Variants in DNAH11 observed in about 807,000 individuals in gnomAD.
The protein encoded by DNAH11 is dynein axonemal heavy chain 11.
A neutral mutation model predicts 526.0 loss-of-function variants in DNAH11; 442 were observed. That is an observed-to-expected ratio of 0.84 (90% CI 0.78 to 0.91). DNAH11 has a LOEUF of 0.91. Among genes scored for constraint, DNAH11 ranks in the 40% least tolerant of loss-of-function variants. The probability of loss-of-function intolerance (pLI) is 0.00; values close to 1 mark genes in which losing one functional copy is unlikely to be tolerated. For synonymous variants in DNAH11, 2,461 were observed against 1,935.9 expected, an observed-to-expected ratio of 1.27 and a Z score of -7.12; for missense variants, 6,989 against 5,448.7, an observed-to-expected ratio of 1.28 and a Z score of -8.90.
At chr7:21,668,610 T>C (rs1320976154) in intron 30 of DNAH11, among the ~76,000 whole-genome samples, 1 of 152,202 alleles carries the variant, frequency 6.6e-6, no homozygotes, top group East Asian at 1.9e-4. Flanking sequence ...TTCAGACCCC[T>C]CACATTTTTC....
At chr7:21,672,108 G>T (rs1782663609) in intron 30 of DNAH11, among the ~76,000 whole-genome samples, 1 of 152,176 alleles carries the variant, frequency 6.6e-6, no homozygotes, top group Non-Finnish European at 1.5e-5. Flanking sequence ...TGATATTGCT[G>T]AAGGTGAAAC....
At chr7:21,710,807 G>T in intron 41 of DNAH11, 104 bp downstream of exon 41, 1 of 1,094,454 alleles carries the variant, frequency 9.1e-7, no homozygotes, top group Non-Finnish European at 1.3e-6. Flanking sequence ...ATTAACCTGG[G>T]ATTCTTTATG....
chr7:21,705,542 A>C lies in DNAH11; in HGVS notation c.6546+5A>C, dbSNP rs761184068. On this transcript the variant is annotated splice_donor_5th_base_variant and intron_variant, in intron 39 of 81. Transcript: ENST00000409508. ...GCAGGCACAGGAAAGAGTAAGGTAT[A>C]GTAAATTGCCTAATAGCTTACAGCT... is the stretch of plus-strand genomic sequence containing the variant. 9.9e-6 allele frequency: 16 copies of C among 1,612,920 alleles called. No individual in the cohort carries two copies. The highest frequency in any genetic ancestry group is 1.3e-5 in the African/African-American group (1 of 74,900).
intron 25 of DNAH11, among the ~76,000 whole-genome samples, chr7:21,621,752 G>A (rs576721221): frequency 1.3e-5 from 2 of 152,126 alleles, no homozygotes; most frequent in African/African-American, 4.8e-5. Flanking sequence ...TGCAGAAAAG[G>A]CCTTTGACAA....
At position 21,857,386 on chromosome 7, in the gene DNAH11, G is replaced by A. The variant is rs544074236; in HGVS notation, c.11202+2931G>A. ...CTCAATATTGTTAAGATGTCAGTTC[G>A]CTCCAAACTGATTTATAGATTCAAT... On this transcript the variant is annotated intron_variant, in intron 68 of 81. Coordinates refer to ENST00000409508, the MANE Select transcript of DNAH11 (RefSeq NM_001277115.2). Among the ~76,000 whole-genome samples the A allele has an allele frequency of 2.2e-4, 34 of 152,188 alleles. 1 individual carries two copies. The Middle Eastern group carries it at 0.014, about 61-fold the overall frequency.
chr7:21,733,133 T>G (rs1318719420), intron 45 of DNAH11, among the ~76,000 whole-genome samples: 1 of 152,168 alleles, frequency 6.6e-6, no homozygotes, highest in Non-Finnish European at 1.5e-5. Context: ...AAGCCTGTAA[T>G]TGCAGCGCTT....
chr7:21,605,856 C>T (rs763592048), intron 18 of DNAH11, among the ~76,000 whole-genome samples: 1 of 152,142 alleles, frequency 6.6e-6, no homozygotes, highest in Non-Finnish European at 1.5e-5. Context: ...AAAAGATTTC[C>T]ATGGATTCTG....
In DNAH11 at chr7:21,784,427, G is replaced by T. The variant is rs761864384; in HGVS notation, c.9484G>T (p.Val3162Leu). 2 of 1,610,976 alleles carry T rather than the reference G, an allele frequency of 1.2e-6. No individual in the cohort carries two copies. Among genetic ancestry groups the T allele is most frequent in the Non-Finnish European group, 1.7e-6 (2 of 1,178,122 alleles). Residue 3162 changes from valine (V) to leucine (L), a missense_variant and splice_region_variant, in exon 58 of 82, where the codon GTG becomes TTG. Coordinates refer to ENST00000409508, the MANE Select transcript of DNAH11 (RefSeq NM_001277115.2). ...TTGTGTGCTTTTCCTCTTTAATTAG[G>T]TGACAGCCATTCAGACTGAAGTGTT... is the stretch of plus-strand genomic sequence containing the variant. ...KTIADAEERKVTAIQTEVFQK... is the reference protein window; with the variant it reads ...KTIADAEERKLTAIQTEVFQK...
intron 62 of DNAH11, among the ~76,000 whole-genome samples, chr7:21,802,960 T>TAA (rs1215694355): frequency 6.7e-6 from 1 of 149,718 alleles, no homozygotes; most frequent in African/African-American, 2.5e-5. Flanking sequence ...TATATATATA[T>TAA]AATGTAGTAA....
At chr7:21,737,550 G>A (rs146043684) in intron 46 of DNAH11, among the ~76,000 whole-genome samples, 198 of 152,324 alleles carry the variant, frequency 1.3e-3, no homozygotes, top group African/African-American at 4.5e-3. Flanking sequence ...ATCTGAGTTG[G>A]GGAGATCAGT....
At chr7:21,879,275 A>G (rs1159551563) in intron 74 of DNAH11, among the ~76,000 whole-genome samples, 2 of 152,004 alleles carry the variant, frequency 1.3e-5, no homozygotes, top group Non-Finnish European at 2.9e-5. Flanking sequence ...AATCTGGTGA[A>G]TCCCCATCTC....
chr7:21,631,369 A>G (rs1179374352), intron 25 of DNAH11, among the ~76,000 whole-genome samples: 2 of 152,174 alleles, frequency 1.3e-5, no homozygotes, highest in Admixed American at 6.5e-5. Flanking sequence ...TGCCTTCCCA[A>G]CAGTCCCCGA....
intron 21 of DNAH11, among the ~76,000 whole-genome samples, chr7:21,615,718 C>G (rs1455291567): frequency 6.6e-6 from 1 of 151,894 alleles, no homozygotes; most frequent in East Asian, 1.9e-4. Flanking sequence ...AAAGTAAGTT[C>G]TAGGGAATGA....
chr7:21,614,070 C>A (rs1264808406), intron 20 of DNAH11, among the ~76,000 whole-genome samples: 1 of 152,044 alleles, frequency 6.6e-6, no homozygotes, highest in Non-Finnish European at 1.5e-5. Context: ...AGCCACTGTG[C>A]CCAGCCTCGC....
intron 62 of DNAH11, among the ~76,000 whole-genome samples, chr7:21,803,168 A>G (rs1327957924): frequency 6.6e-6 from 1 of 152,236 alleles, no homozygotes; most frequent in African/African-American, 2.4e-5. Flanking sequence ...TGACAAGCAT[A>G]GAACTGCACT....
At chr7:21,662,471 A>G (rs188114693) in intron 30 of DNAH11, among the ~76,000 whole-genome samples, 1 of 152,144 alleles carries the variant, frequency 6.6e-6, no homozygotes, top group South Asian at 2.1e-4. Flanking sequence ...ATATTCCATT[A>G]TTTAAAATTT....
In DNAH11 at chr7:21,605,814, G is replaced by A. The variant is rs138964537; in HGVS notation, c.3649-612G>A. 1.5e-3 allele frequency among the ~76,000 whole-genome samples: 228 copies of A among 152,232 alleles called. 1 individual carries two copies. Among genetic ancestry groups the A allele is most frequent in the African/African-American group, 5.2e-3 (217 of 41,544 alleles). ...GCACTTCAATTTTATTCCCACAGCA[G>A]CAAAACAATTAGGAGATTTGTGTTT... On this transcript the variant is annotated intron_variant, in intron 18 of 81. Coordinates refer to ENST00000409508, the MANE Select transcript of DNAH11 (RefSeq NM_001277115.2).
chr7:21,738,972 A>G, intron 47 of DNAH11, 106 bp downstream of exon 47: 1 of 1,095,416 alleles, frequency 9.1e-7, no homozygotes, highest in Non-Finnish European at 1.2e-6. Context: ...TGGATGAATT[A>G]TTATGGATGA....
chr7:21,672,693 G>A (rs2919230), intron 30 of DNAH11, among the ~76,000 whole-genome samples: 2 of 152,164 alleles, frequency 1.3e-5, no homozygotes, highest in African/African-American at 4.8e-5. Context: ...TGGTAAAACT[G>A]CAATGCTTCT....
Sources: gnomAD v4.1 joint callset for allele counts (sites outside exome capture counted in the v4.1 genomes callset) on GRCh38, gnomAD v4.1.1 for gene constraint, MANE v1.5 for transcripts, NCBI Gene and HGNC (gene_info 2026-07-23, HGNC 2026-07-21) for gene names.